Variants in ANKDD1A observed in about 807,000 individuals in gnomAD.
The protein encoded by ANKDD1A is ankyrin repeat and death domain containing 1A.
Under a neutral mutation model 63.5 loss-of-function variants are expected in ANKDD1A, and 59 were observed. The observed-to-expected ratio is 0.93, with a 90% confidence interval of 0.75 to 1.15. The LOEUF is 1.15. ANKDD1A is among the 50% of genes most tolerant of loss of function. The probability of loss-of-function intolerance (pLI) is 0.00; values close to 1 mark genes in which losing one functional copy is unlikely to be tolerated. For synonymous variants in ANKDD1A, 266 were observed against 263.9 expected (o/e 1.01, Z -0.08); for missense variants, 632 against 656.4 (o/e 0.96, Z 0.41).
intron 9 of ANKDD1A, 94 bp downstream of exon 9, chr15:64,934,328 C>T: frequency 2.4e-6 from 3 of 1,248,358 alleles, no homozygotes; most frequent in Non-Finnish European, 3.4e-6. Context: ...ACATCGGATC[C>T]TTGGGGTTGG....
chr15:64,934,500 CTT>C (rs546780732), intron 9 of ANKDD1A, among the ~76,000 whole-genome samples: 10 of 125,602 alleles, frequency 8.0e-5, no homozygotes, highest in East Asian at 2.3e-4. Context: ...TTTTTCTTTT[CTT>C]TTTTTTTTTT....
intron 14 of ANKDD1A, among the ~76,000 whole-genome samples, chr15:64,951,986 T>G (rs1284050601): frequency 1.4e-5 from 2 of 148,026 alleles, no homozygotes; most frequent in East Asian, 1.9e-4. Context: ...TCCTTCTTAT[T>G]CTTCTTTCTT....
intron 9 of ANKDD1A, among the ~76,000 whole-genome samples, chr15:64,934,569 G>A (rs1011605618): frequency 6.9e-6 from 1 of 144,696 alleles, no homozygotes; most frequent in Non-Finnish European, 1.5e-5. Context: ...TTGCAATCTC[G>A]GCTCACTGCA....
Position 64,930,862 on chromosome 15 carries a change from A to G in ANKDD1A, c.611A>G (p.His204Arg), listed in dbSNP as rs755266092. ...CTTCATCTGGCTGCTGGTCGGGGCC[A>G]TATGGCTGTGCTGCAGCGACTTGTG... ...TALHLAAGRG[H>R]MAVLQRLVDI... The change falls in exon 7 of 15, where the codon CAT becomes CGT. Residue 204 changes from histidine (H) to arginine (R), a missense_variant. Transcript: ENST00000319580. The G allele has an allele frequency of 1.2e-5, 20 of 1,613,100 alleles. No individual in the cohort carries two copies. Among genetic ancestry groups the G allele is most frequent in the African/African-American group, 2.7e-5 (2 of 74,930 alleles).
chr15:64,937,235 A>G (rs528711216), intron 9 of ANKDD1A, among the ~76,000 whole-genome samples: 74 of 152,256 alleles, frequency 4.9e-4, no homozygotes, highest in Non-Finnish European at 9.7e-4. Flanking sequence ...TAAAACTTAC[A>G]AATACATGTG....
intron 14 of ANKDD1A, among the ~76,000 whole-genome samples, chr15:64,951,939 TTTCTTCTTCTTCTTTCCTTCTG>T (rs2085292628): frequency 7.0e-6 from 1 of 143,180 alleles, no homozygotes; most frequent in East Asian, 2.0e-4. Flanking sequence ...CTTCCTTTCT[TTTCTTCTTCTTCTTTCCTTCTG>T]CTCTTCTTTC....
At chr15:64,944,623 T>C (rs1162641622) in intron 11 of ANKDD1A, 29 bp from the exon 12 acceptor site, 4 of 1,606,604 alleles carry the variant, frequency 2.5e-6, no homozygotes, top group Non-Finnish European at 3.4e-6. Flanking sequence ...GTAGAAACTC[T>C]GGCTTCTCTT....
Position 64,928,974 on chromosome 15 carries a change from G to A in ANKDD1A, c.571-1848G>A, listed in dbSNP as rs149840441. ...TCTACACCCTGCTAACTGGGGGCAT[G>A]TGTTGGCCCTTCATGGTTCACCTGC... On this transcript the variant is annotated intron_variant, in intron 6 of 14. Transcript: ENST00000319580. 2.7e-3 allele frequency among the ~76,000 whole-genome samples: 406 copies of A among 152,368 alleles called. 2 individuals are homozygous for A. Among genetic ancestry groups the A allele is most frequent in the Middle Eastern group, 0.01 (3 of 294 alleles).
intron 14 of ANKDD1A, among the ~76,000 whole-genome samples, chr15:64,952,337 C>CCTTCTTCCTTCTCCTT (rs2085304935): frequency 7.1e-6 from 1 of 141,418 alleles, no homozygotes; most frequent in Non-Finnish European, 1.5e-5. Context: ...TCTTCCTTCT[C>CCTTCTTCCTTCTCCTT]CTTCTTCTTA....
At chr15:64,929,032 G>C (rs1719274) in intron 6 of ANKDD1A, among the ~76,000 whole-genome samples, 6,751 of 152,312 alleles carry the variant, frequency 0.044, 516 homozygotes, top group African/African-American at 0.16. Context: ...GAGATTTCAC[G>C]CTGTGATTGC....
chr15:64,954,570 TCTC>T (rs2085390901), intron 14 of ANKDD1A, among the ~76,000 whole-genome samples: 6 of 145,844 alleles, frequency 4.1e-5, no homozygotes, highest in South Asian at 2.3e-4. Flanking sequence ...TTCTCCTTGT[TCTC>T]CTTCTTCCTT....
Position 64,934,187 on chromosome 15 carries a change from T to C in ANKDD1A, c.820T>C (p.Ser274Pro), listed in dbSNP as rs1404606299. 4 of 1,612,424 alleles carry C rather than the reference T, an allele frequency of 2.5e-6. No homozygotes were observed. The highest frequency in any genetic ancestry group is 3.4e-6 in the Non-Finnish European group (4 of 1,179,176). ...YAALSGSEDV[S>P]RVLIHAGGCA... ...AGCCCTCAGTGGCTCGGAGGATGTG[T>C]CTCGGGTCCTCATCCACGCAGGAGG... Residue 274 changes from serine (S) to proline (P), a missense_variant, in exon 9 of 15, where the codon TCT becomes CCT. Ser to Pro is a moderately conservative substitution (Grantham distance 74). Coordinates refer to ENST00000319580, the MANE Select transcript of ANKDD1A (RefSeq NM_182703.6).
chr15:64,922,055 C>T, intron 4 of ANKDD1A, 36 bp downstream of exon 4: 1 of 1,596,390 alleles, frequency 6.3e-7, no homozygotes. Flanking sequence ...GTCCCCTCGG[C>T]TCCCCTGGCC....
intron 6 of ANKDD1A, 29 bp from the exon 7 acceptor site, chr15:64,930,793 T>G (rs766279939): frequency 5.6e-6 from 9 of 1,600,674 alleles, no homozygotes; most frequent in Non-Finnish European, 5.1e-6. Flanking sequence ...TCTGGTCTGC[T>G]GGCCTCTCAG....
At chr15:64,930,691 G>C (rs2085082674) in intron 6 of ANKDD1A, 131 bp from the exon 7 acceptor site, 3 of 775,064 alleles carry the variant, frequency 3.9e-6, no homozygotes, top group Non-Finnish European at 6.1e-6. Context: ...TCTGCCCCTG[G>C]TTATAGTTTT....
At chr15:64,922,390 G>C (rs567817951) in intron 4 of ANKDD1A, 1 of 178,768 alleles carries the variant, frequency 5.6e-6, no homozygotes, top group South Asian at 1.4e-4. Context: ...TATGGTGGGC[G>C]AGTTTCTCTA....
At chr15:64,952,375 C>CTCCTTCT (rs2085306535) in intron 14 of ANKDD1A, among the ~76,000 whole-genome samples, 5 of 41,868 alleles carry the variant, frequency 1.2e-4, no homozygotes, top group Non-Finnish European at 1.6e-4. Context: ...TTTCTTCTTC[C>CTCCTTCT]TCTTTCCTTC....
At chr15:64,953,978 C>CTT (rs782731242) in intron 14 of ANKDD1A, among the ~76,000 whole-genome samples, 7 of 122,306 alleles carry the variant, frequency 5.7e-5, no homozygotes, top group East Asian at 5.2e-4. Flanking sequence ...TTCTTTCTTC[C>CTT]TCTATCTTCT....
chr15:64,937,464 C>T (rs1364328415), intron 9 of ANKDD1A, among the ~76,000 whole-genome samples: 1 of 152,176 alleles, frequency 6.6e-6, no homozygotes, highest in South Asian at 2.1e-4. Flanking sequence ...CGCAGTGGCT[C>T]ACACCTGTAA....
Sources: gnomAD v4.1 joint callset for allele counts (sites outside exome capture counted in the v4.1 genomes callset) on GRCh38, gnomAD v4.1.1 for gene constraint, MANE v1.5 for transcripts, NCBI Gene and HGNC (gene_info 2026-07-23, HGNC 2026-07-21) for gene names.